JPH3: variants seen among roughly 807,000 people sequenced by gnomAD.
JPH3 encodes junctophilin 3.
A neutral mutation model predicts 59.6 loss-of-function variants in JPH3; 11 were observed. The ratio of observed to expected loss-of-function variants is 0.18; its 90% CI spans 0.12 to 0.31. The LOEUF (loss-of-function observed/expected upper bound fraction) is 0.31, where lower values mean the gene tolerates loss of function less well. Among genes scored for constraint, JPH3 ranks in the 10% least tolerant of loss-of-function variants. JPH3 has a pLI of 1.00. For missense variants in JPH3, 1,202 were observed against 1,105.7 expected, an observed-to-expected ratio of 1.09 and a Z score of -1.24; for synonymous variants, 673 against 483.6, an observed-to-expected ratio of 1.39 and a Z score of -5.14.
intron 2 of JPH3, among the ~76,000 whole-genome samples, chr16:87,677,183 TATAC>T (rs765520464): frequency 0.022 from 1,640 of 75,660 alleles, 18 homozygotes; most frequent in African/African-American, 0.057. Context: ...ACTATATATA[TATAC>T]ACACACACAC....
chr16:87,670,129 C>T (rs1331799996), intron 2 of JPH3, among the ~76,000 whole-genome samples: 1 of 152,164 alleles, frequency 6.6e-6, no homozygotes, highest in Non-Finnish European at 1.5e-5. Flanking sequence ...TCCCCCACCC[C>T]TCAGGAGCAG....
At chr16:87,610,918 C>G (rs981006429) in intron 1 of JPH3, among the ~76,000 whole-genome samples, 1 of 152,234 alleles carries the variant, frequency 6.6e-6, no homozygotes, top group African/African-American at 2.4e-5. Context: ...CTTAATTCCT[C>G]ACTATCTTTT....
intron 1 of JPH3, among the ~76,000 whole-genome samples, chr16:87,640,084 T>G (rs939243561): frequency 1.3e-5 from 2 of 152,102 alleles, no homozygotes; most frequent in Non-Finnish European, 2.9e-5. Context: ...TAACAAGCAC[T>G]TTGGGAGGTT....
At chr16:87,666,255 A>G (rs548783805) in intron 2 of JPH3, among the ~76,000 whole-genome samples, 2 of 151,940 alleles carry the variant, frequency 1.3e-5, no homozygotes, top group Admixed American at 1.3e-4. Context: ...TGCCCAGCTA[A>G]TTTTTATATT....
intron 3 of JPH3, among the ~76,000 whole-genome samples, chr16:87,685,085 C>T (rs544560421): frequency 7.9e-5 from 12 of 152,290 alleles, no homozygotes; most frequent in South Asian, 2.1e-4. Context: ...TGAACTTGCT[C>T]GCAACGCCTG....
At position 87,681,832 on chromosome 16, in the gene JPH3, C is replaced by T. The variant is rs1056290139; in HGVS notation, c.1161-2310C>T. 3.3e-5 allele frequency among the ~76,000 whole-genome samples: 5 copies of T among 152,240 alleles called. No individual in the cohort carries two copies. The South Asian group carries it at 8.3e-4, about 25-fold the overall frequency. ...TTCCTTTGGGTCCTGGGCTGATTTT[C>T]GGGCAGGTGCTGGGATGCAGTGTCC... On this transcript the variant is annotated intron_variant, in intron 2 of 4. Transcript: ENST00000284262.
intron 1 of JPH3, among the ~76,000 whole-genome samples, chr16:87,627,937 C>T (rs775784573): frequency 3.9e-5 from 6 of 152,258 alleles, no homozygotes; most frequent in Admixed American, 1.3e-4. Context: ...CCAGGCCAGC[C>T]TGTGGGCCCC....
At chr16:87,652,814 C>T (rs548027605) in intron 2 of JPH3, among the ~76,000 whole-genome samples, 14 of 152,338 alleles carry the variant, frequency 9.2e-5, no homozygotes, top group Admixed American at 2.6e-4. Context: ...GTGATTTTTC[C>T]GTGTGAATGC....
intron 2 of JPH3, among the ~76,000 whole-genome samples, chr16:87,646,002 G>A (rs965781111): frequency 5.3e-5 from 8 of 152,254 alleles, no homozygotes; most frequent in Non-Finnish European, 5.9e-5. Context: ...CCAGACGAGG[G>A]CCCTTGGGGT....
At chr16:87,691,090 C>A (rs1044193017) in intron 4 of JPH3, among the ~76,000 whole-genome samples, 9 of 151,520 alleles carry the variant, frequency 5.9e-5, no homozygotes, top group African/African-American at 9.7e-5. Context: ...CCCAGCACCC[C>A]CCCCCCAAAT....
At chr16:87,675,010 C>T (rs1388123294) in intron 2 of JPH3, among the ~76,000 whole-genome samples, 5 of 152,160 alleles carry the variant, frequency 3.3e-5, no homozygotes, top group Non-Finnish European at 7.3e-5. Flanking sequence ...GATCCACCAG[C>T]CTCGGCCTCC....
chr16:87,687,399 G>A (rs996918591), intron 3 of JPH3, among the ~76,000 whole-genome samples: 1 of 152,228 alleles, frequency 6.6e-6, no homozygotes, highest in East Asian at 1.9e-4. Context: ...GCTGCAGAGA[G>A]TGGCTGGCGC....
At chr16:87,694,955 T>C (rs1245461266) in intron 4 of JPH3, 1 of 278,326 alleles carries the variant, frequency 3.6e-6, no homozygotes, top group African/African-American at 2.2e-5. Flanking sequence ...CATCCTCCAC[T>C]GGACAGCTGG....
intron 2 of JPH3, among the ~76,000 whole-genome samples, chr16:87,671,200 C>A (rs1022917411): frequency 6.6e-6 from 1 of 152,188 alleles, no homozygotes; most frequent in African/African-American, 2.4e-5. Context: ...TGCACAGACA[C>A]GTCTCTCTGT....
rs954518302 is a variant in JPH3 at position 87,611,638 on chromosome 16, T to C, written c.382+8110T>C. Among the ~76,000 whole-genome samples, 74 of 152,002 alleles carry C rather than the reference T, an allele frequency of 4.9e-4. 1 individual carries two copies. Among genetic ancestry groups the C allele is most frequent in the Non-Finnish European group, 1.8e-4 (12 of 68,008 alleles). Reference sequence around the variant, plus strand: ...GAGTTGGGCAGGACATGGGCCCGCCTCTGTCTGCTGCTCTATGCCAGTGCT... The same window carrying C: ...GAGTTGGGCAGGACATGGGCCCGCCCCTGTCTGCTGCTCTATGCCAGTGCT... On this transcript the variant is annotated intron_variant, in intron 1 of 4. Transcript: ENST00000284262. This position sits in a 1 kb window ranked among gnomAD's most constrained non-coding sequence, Gnocchi z 4.5.
chr16:87,674,264 G>C (rs1391292871), intron 2 of JPH3, among the ~76,000 whole-genome samples: 1 of 152,160 alleles, frequency 6.6e-6, no homozygotes, highest in African/African-American at 2.4e-5. Context: ...AACCCGGGAG[G>C]TGGAGCTTGC....
chr16:87,633,609 G>T (rs971876672), intron 1 of JPH3, among the ~76,000 whole-genome samples: 19 of 152,174 alleles, frequency 1.2e-4, no homozygotes, highest in African/African-American at 4.6e-4. Flanking sequence ...GACCAGCCTG[G>T]CCAACATGGT....
intron 2 of JPH3, among the ~76,000 whole-genome samples, chr16:87,659,190 A>G (rs901959228): frequency 2.0e-5 from 3 of 151,796 alleles, no homozygotes; most frequent in African/African-American, 2.4e-5. Context: ...CCTGGCCAAC[A>G]TGGCAAGATC....
rs1333955831 is a variant in JPH3 at position 87,690,019 on chromosome 16, G to A, written c.1659G>A (p.Val553=). The part of the protein sequence containing the change: ...RSGALRGGLL[V]DDFRTRGSGR... Reference sequence around the variant, plus strand: ...GTGCCCTGCGCGGCGGCCTGCTCGTGGATGACTTCCGCACCCGAGGTTCGG... The same window carrying A: ...GTGCCCTGCGCGGCGGCCTGCTCGTAGATGACTTCCGCACCCGAGGTTCGG... The change falls in exon 4 of 5, where the codon GTG becomes GTA. Residue 553 remains valine, a synonymous_variant. Coordinates refer to ENST00000284262, the MANE Select transcript of JPH3 (RefSeq NM_020655.4). 15 of 1,530,412 alleles carry A rather than the reference G, an allele frequency of 9.8e-6. No homozygotes were observed. The highest frequency in any genetic ancestry group is 1.3e-5 in the Non-Finnish European group (15 of 1,137,652). The allele number at this position is 1,530,412 out of a possible 1,614,324, so 94.8% of individuals were successfully genotyped here.
Sources: gnomAD v4.1 joint callset for allele counts (sites outside exome capture counted in the v4.1 genomes callset) on GRCh38, gnomAD v4.1.1 for gene constraint, Gnocchi (gnomAD v3.1) non-coding constraint, MANE v1.5 for transcripts, NCBI Gene and HGNC (gene_info 2026-07-23, HGNC 2026-07-21) for gene names.